FILIP1L: variants seen among roughly 807,000 people sequenced by gnomAD.
FILIP1L encodes filamin A interacting protein 1 like, also known as filamin A-interacting protein 1-like.
Under a neutral mutation model 96.6 loss-of-function variants are expected in FILIP1L, and 55 were observed. The observed-to-expected ratio is 0.57, with a 90% CI of 0.46 to 0.71. The LOEUF (loss-of-function observed/expected upper bound fraction) is 0.71. Among genes scored for constraint, FILIP1L ranks in the 30% least tolerant of loss-of-function variants. FILIP1L has a pLI of 0.00. For missense variants in FILIP1L, 1,304 were observed against 1,321.2 expected (o/e 0.99, Z 0.20); for synonymous variants, 467 against 473.9 (o/e 0.99, Z 0.19).
chr3:99,938,084 CGCGCGCGT>C (rs973533152), intron 1 of FILIP1L, among the ~76,000 whole-genome samples: 2 of 151,510 alleles, frequency 1.3e-5, no homozygotes, highest in African/African-American at 4.9e-5. Flanking sequence ...TGCGCGCGCG[CGCGCGCGT>C]GCATGCACAC....
intron 1 of FILIP1L, among the ~76,000 whole-genome samples, chr3:100,106,030 G>C (rs2066389388): frequency 6.6e-6 from 1 of 152,134 alleles, no homozygotes; most frequent in Non-Finnish European, 1.5e-5. Flanking sequence ...AAGACAGACA[G>C]ATTATACCTC....
At chr3:99,936,555 T>TTTTTTTTTTTTTTTTTTTTTAG (rs1427135893) in intron 1 of FILIP1L, among the ~76,000 whole-genome samples, 1 of 142,384 alleles carries the variant, frequency 7.0e-6, no homozygotes, top group African/African-American at 2.7e-5. Context: ...TTTGTATTTT[T>TTTTTTTTTTTTTTTTTTTTTAG]ACTAGAGGTG....
intron 4 of FILIP1L, among the ~76,000 whole-genome samples, chr3:99,871,252 G>T (rs578123068): frequency 6.6e-6 from 1 of 152,218 alleles, no homozygotes; most frequent in South Asian, 2.1e-4. Context: ...TTTGTTTTCA[G>T]CTCCTAAACA....
At position 99,983,397 on chromosome 3, in the gene FILIP1L, T is replaced by A. The variant is rs867800987; in HGVS notation, c.-10-52367A>T. ...TAAAAAATAAATAAATAAATATATA[T>A]ATATATATATATATATATATATGTA... is the stretch of plus-strand genomic sequence containing the variant. On this transcript the variant is annotated intron_variant, in intron 1 of 5. Transcript: ENST00000477258. Among the ~76,000 whole-genome samples the A allele has an allele frequency of 5.9e-3, 631 of 107,322 alleles. 13 individuals are homozygous for A. Among genetic ancestry groups the A allele is most frequent in the African/African-American group, 0.025 (600 of 24,224 alleles). The allele number at this position is 107,322 out of a possible 152,430, so 70.4% of individuals were successfully genotyped here.
chr3:99,841,299 T>G (rs1050322113), intron 5 of FILIP1L, among the ~76,000 whole-genome samples: 1 of 152,258 alleles, frequency 6.6e-6, no homozygotes, highest in African/African-American at 2.4e-5. Context: ...ATATATCAAA[T>G]TATAAACTAG....
intron 1 of FILIP1L, among the ~76,000 whole-genome samples, chr3:100,021,991 GAGAT>G (rs2064833851): frequency 1.4e-5 from 2 of 147,820 alleles, no homozygotes; most frequent in African/African-American, 5.1e-5. Flanking sequence ...GAGAGAGAGA[GAGAT>G]ATGAGGGGGG....
intron 4 of FILIP1L, among the ~76,000 whole-genome samples, chr3:99,896,038 A>G (rs967689493): frequency 6.6e-6 from 1 of 152,212 alleles, no homozygotes; most frequent in African/African-American, 2.4e-5. Flanking sequence ...CCATATTATA[A>G]AGCATGAGTC....
At position 99,927,531 on chromosome 3, in the gene FILIP1L, G is replaced by A. The variant is rs141448941; in HGVS notation, c.426+2325C>T. Among the ~76,000 whole-genome samples the A allele has an allele frequency of 2.6e-3, 389 of 152,056 alleles. 2 individuals carry two copies. Among genetic ancestry groups the A allele is most frequent in the African/African-American group, 8.9e-3 (369 of 41,508 alleles). On this transcript the variant is annotated intron_variant, in intron 3 of 5. Transcript: ENST00000477258. ...ATTACAGGCATGTGCCACCACGCCC[G>A]GCTAATTTTGTATTTTTAGTAGAAA...
At chr3:100,011,734 C>T (rs1710162694) in intron 1 of FILIP1L, 1 of 152,184 alleles carries the variant, frequency 6.6e-6, no homozygotes, top group South Asian at 2.1e-4. Context: ...ATAGGCTCCA[C>T]TTCACAGGTC....
rs2066507096 is a variant in FILIP1L at position 100,112,406 on chromosome 3, C to G, written c.-11+1647G>C. On this transcript the variant is annotated intron_variant, in intron 1 of 5. Coordinates refer to ENST00000477258, the MANE Select transcript of FILIP1L (RefSeq NM_001387850.1). ...GCAATGGCAGTCTCCTACAATAGCACTCTATTAAAGGCACCATCATTTCAA... is the reference window on the plus strand; with the variant it reads ...GCAATGGCAGTCTCCTACAATAGCAGTCTATTAAAGGCACCATCATTTCAA... Among the ~76,000 whole-genome samples, 3 of 152,188 alleles carry G rather than the reference C, an allele frequency of 2.0e-5. No homozygotes were observed. The South Asian group carries it at 6.2e-4, about 31-fold the overall frequency.
intron 1 of FILIP1L, among the ~76,000 whole-genome samples, chr3:100,091,141 T>A (rs34081874): frequency 6.6e-6 from 1 of 150,618 alleles, no homozygotes; most frequent in Non-Finnish European, 1.5e-5. Flanking sequence ...AAAACTTAGC[T>A]GGGCATGGTG....
intron 4 of FILIP1L, among the ~76,000 whole-genome samples, chr3:99,861,057 CTTTT>C (rs918429664): frequency 6.6e-6 from 1 of 152,098 alleles, no homozygotes; most frequent in African/African-American, 2.4e-5. Flanking sequence ...TCTCACTTTT[CTTTT>C]TGTTTTCCTC....
intron 1 of FILIP1L, among the ~76,000 whole-genome samples, chr3:99,982,437 C>T (rs185272532): frequency 8.2e-4 from 124 of 152,122 alleles, no homozygotes; most frequent in Non-Finnish European, 1.6e-3. Flanking sequence ...GCCTCCTGGG[C>T]TCAAGTGATC....
intron 1 of FILIP1L, among the ~76,000 whole-genome samples, chr3:100,059,985 G>A (rs2107341240): frequency 6.6e-6 from 1 of 151,714 alleles, no homozygotes; most frequent in South Asian, 2.1e-4. Flanking sequence ...AATTTAAAAT[G>A]TGACCCATAT....
intron 3 of FILIP1L, among the ~76,000 whole-genome samples, chr3:99,929,383 A>G (rs978674468): frequency 1.3e-5 from 2 of 152,232 alleles, no homozygotes; most frequent in East Asian, 1.9e-4. Flanking sequence ...TTTCTTGGAC[A>G]GTTCTTTAGA....
At chr3:100,075,532 C>T (rs530919877) in intron 1 of FILIP1L, 1 of 151,752 alleles carries the variant, frequency 6.6e-6, no homozygotes, top group South Asian at 2.1e-4. Context: ...CTTTTTACTT[C>T]ATATCCCAAT....
intron 4 of FILIP1L, among the ~76,000 whole-genome samples, chr3:99,922,220 G>A (rs1487856501): frequency 1.3e-5 from 2 of 152,232 alleles, no homozygotes; most frequent in Non-Finnish European, 2.9e-5. Context: ...GCAAGTTAGT[G>A]CCAAATAAGT....
At chr3:100,036,346 C>A (rs1006212899) in intron 1 of FILIP1L, among the ~76,000 whole-genome samples, 10 of 152,132 alleles carry the variant, frequency 6.6e-5, no homozygotes, top group Admixed American at 5.9e-4. Flanking sequence ...TCTTTTCATG[C>A]CACGATGTTA....
intron 1 of FILIP1L, among the ~76,000 whole-genome samples, chr3:100,037,809 A>T (rs913305222): frequency 1.3e-5 from 2 of 152,054 alleles, no homozygotes; most frequent in South Asian, 4.1e-4. Context: ...TGATAACTTG[A>T]CCTCCAGTAC....
Sources: allele counts gnomAD v4.1 joint callset (sites outside exome capture counted in the v4.1 genomes callset), GRCh38; gene constraint gnomAD v4.1.1; transcripts MANE v1.5; gene names NCBI Gene and HGNC (gene_info 2026-07-23, HGNC 2026-07-21).